The following TM4SF19 variants were observed in gnomAD, a reference collection of about 807,000 sequenced individuals.
The protein encoded by TM4SF19 is transmembrane 4 L six family member 19.
A neutral mutation model predicts 21.8 loss-of-function variants in TM4SF19; 17 were observed. That is an observed-to-expected ratio of 0.78 (90% CI 0.53 to 1.17). The LOEUF is 1.17. Ranked by LOEUF, TM4SF19 falls within the 50% of genes most tolerant of loss-of-function variation. TM4SF19 has a pLI of 0.00. For synonymous variants in TM4SF19, 107 were observed against 106.7 expected, an observed-to-expected ratio of 1.00 and a Z score of -0.02; for missense variants, 216 against 252.1, an observed-to-expected ratio of 0.86 and a Z score of 0.97.
chr3:196,327,538 A>C lies in TM4SF19; in HGVS notation c.53T>G (p.Leu18Arg), dbSNP rs1727346510. 1 of 1,614,082 alleles carries C rather than the reference A, an allele frequency of 6.2e-7. No homozygotes were observed. The highest frequency in any genetic ancestry group is 2.2e-5 in the East Asian group (1 of 44,884). ...QASSRTCSRI[L>R]GLSLGTAALF... ...GGCTGCAGTCCCAAGGCTCAGTCCC[A>C]GGATACGGGAGCAAGTCCGTGAGCT... is the stretch of plus-strand genomic sequence containing the variant. Residue 18 changes from leucine (L) to arginine (R), a missense_variant, in exon 2 of 5, where the codon CTG (leucine) becomes CGG (arginine). By Grantham distance (102) the Leu-to-Arg change is moderately radical. Coordinates refer to ENST00000273695, the MANE Select transcript of TM4SF19 (RefSeq NM_138461.4).
intron 1 of TM4SF19, among the ~76,000 whole-genome samples, chr3:196,334,509 A>G (rs1685564127): frequency 2.0e-5 from 3 of 151,098 alleles, no homozygotes; most frequent in Admixed American, 2.0e-4. Context: ...GCTGGAGTGC[A>G]GTGGCGCGAT....
rs1396267226 is a variant in TM4SF19 at position 196,337,048 on chromosome 3, A to ATTC, written c.-2+1213_-2+1215dup. On this transcript the variant is annotated intron_variant, in intron 1 of 4. Coordinates refer to ENST00000273695, the MANE Select transcript of TM4SF19 (RefSeq NM_138461.4). Reference sequence around the variant, plus strand: ...GGGGACACTGCTGACGCAAAAAGCAATTCTTTTTTTTTTTTTTTTTTTTTT... The same window carrying ATTC: ...GGGGACACTGCTGACGCAAAAAGCAATTCTTCTTTTTTTTTTTTTTTTTTTTTT... Among the ~76,000 whole-genome samples, 283 of 128,756 alleles carry ATTC rather than the reference A, an allele frequency of 2.2e-3. 7 individuals are homozygous for ATTC. The highest frequency in any genetic ancestry group is 4.5e-3 in the Middle Eastern group (1 of 222). The allele number at this position is 128,756 out of a possible 152,430, so 84.5% of individuals were successfully genotyped here.
chr3:196,327,162 C>T, intron 2 of TM4SF19, 130 bp from the exon 3 acceptor site: 1 of 824,936 alleles, frequency 1.2e-6, no homozygotes, highest in Non-Finnish European at 2.0e-6. Flanking sequence ...CTCTGGGGAC[C>T]CACATTTGTA....
chr3:196,326,825 C>T (rs1727308860), intron 3 of TM4SF19, 130 bp downstream of exon 3: 2 of 603,814 alleles, frequency 3.3e-6, no homozygotes, highest in Admixed American at 5.3e-5. Context: ...AAGAACTTAG[C>T]GTTACTGAGG....
Position 196,327,011 on chromosome 3 carries a change from T to C in TM4SF19, c.223A>G (p.Ile75Val). ...GLMVLTAAIL[I>V]SLMGWRYGCF... ...CCGTATCTCCAGCCCATCAAGGAGATGAGGATAGCTGCAGTGAGTACCTGC... is the reference window on the plus strand; with the variant it reads ...CCGTATCTCCAGCCCATCAAGGAGACGAGGATAGCTGCAGTGAGTACCTGC... Residue 75 changes from isoleucine to valine, a missense_variant, in exon 3 of 5, where the codon ATC becomes GTC. Physicochemically the swap from Ile to Val is conservative, Grantham distance 29. Coordinates refer to ENST00000273695, the MANE Select transcript of TM4SF19 (RefSeq NM_138461.4). 1 of 1,610,686 alleles carries C rather than the reference T, an allele frequency of 6.2e-7. No homozygotes were observed.
At chr3:196,335,886 T>C (rs149169366) in intron 1 of TM4SF19, among the ~76,000 whole-genome samples, 188 of 151,962 alleles carry the variant, frequency 1.2e-3, no homozygotes, top group African/African-American at 4.2e-3. Flanking sequence ...ACAACTTTAA[T>C]CCACTGCCCA....
intron 1 of TM4SF19, among the ~76,000 whole-genome samples, chr3:196,328,675 A>C (rs759332575): frequency 6.6e-6 from 1 of 152,240 alleles, no homozygotes; most frequent in Non-Finnish European, 1.5e-5. Flanking sequence ...AAATTGATGC[A>C]AAGATTTAAA....
chr3:196,327,657 A>T (rs1464743967), intron 1 of TM4SF19, 66 bp from the exon 2 acceptor site: 3 of 1,377,268 alleles, frequency 2.2e-6, no homozygotes, highest in Non-Finnish European at 3.1e-6. Flanking sequence ...GAACTCCAGC[A>T]GCATATCATG....
chr3:196,324,434 T>C lies in TM4SF19; in HGVS notation c.286A>G (p.Thr96Ala), dbSNP rs750819832. The change falls in exon 4 of 5, where the codon ACT becomes GCT. Residue 96 changes from threonine to alanine, a missense_variant. Transcript: ENST00000273695. ...SKSGLCRSVL[T>A]ALLSGGLALL... ...GCCAGGCCACCTGACAACAGAGCAG[T>C]AAGCACCTGCGGAGGGAGGAGAAAC... 4 of 1,613,862 alleles carry C rather than the reference T, an allele frequency of 2.5e-6. No homozygotes were observed. Among genetic ancestry groups the C allele is most frequent in the Non-Finnish European group, 2.5e-6 (3 of 1,179,996 alleles).
At chr3:196,328,077 G>A (rs574591415) in intron 1 of TM4SF19, among the ~76,000 whole-genome samples, 15 of 152,250 alleles carry the variant, frequency 9.9e-5, no homozygotes, top group Non-Finnish European at 1.6e-4. Flanking sequence ...TGAGGCAGGC[G>A]GATCACGAGG....
chr3:196,324,448 G>T lies in TM4SF19; in HGVS notation c.280-8C>A. On this transcript the variant is annotated splice_region_variant and splice_polypyrimidine_tract_variant and intron_variant, in intron 3 of 4. Coordinates refer to ENST00000273695, the MANE Select transcript of TM4SF19 (RefSeq NM_138461.4). ...CAACAGAGCAGTAAGCACCTGCGGA[G>T]GGAGGAGAAACACTGAGCTAAGACG... The T allele has an allele frequency of 6.2e-7, 1 of 1,613,938 alleles. No individual in the cohort carries two copies. The highest frequency in any genetic ancestry group is 8.5e-7 in the Non-Finnish European group (1 of 1,179,938).
intron 1 of TM4SF19, among the ~76,000 whole-genome samples, chr3:196,330,742 G>T (rs1008239048): frequency 6.6e-6 from 1 of 152,132 alleles, no homozygotes; most frequent in African/African-American, 2.4e-5. Flanking sequence ...GCTTTCTGAA[G>T]GGGTGGAAGC....
Position 196,323,864 on chromosome 3 carries a change from C to T in TM4SF19, c.583G>A (p.Val195Ile). Reference sequence around the variant, plus strand: ...AAAAGGCCCAGGAGGCTGTTGATGACATGAACGACCACCAGGAGAAGCTGG... The same window carrying T: ...AAAAGGCCCAGGAGGCTGTTGATGATATGAACGACCACCAGGAGAAGCTGG... ...LLQLLLVVVH[V>I]INSLLGLFCS... Residue 195 changes from valine (V) to isoleucine (I), a missense_variant, in exon 5 of 5, where the codon GTC (valine) becomes ATC (isoleucine). Transcript: ENST00000273695. 1 of 1,614,152 alleles carries T rather than the reference C, an allele frequency of 6.2e-7. No individual in the cohort carries two copies. The highest frequency in any genetic ancestry group is 1.1e-5 in the South Asian group (1 of 91,086).
intron 3 of TM4SF19, 55 bp from the exon 4 acceptor site, chr3:196,324,495 C>T (rs897947257): frequency 5.1e-5 from 81 of 1,586,078 alleles, no homozygotes; most frequent in Non-Finnish European, 6.4e-5. Context: ...GGGGAGCCTG[C>T]GGAGGGAGGA....
At chr3:196,336,480 G>C (rs1577415594) in intron 1 of TM4SF19, among the ~76,000 whole-genome samples, 1 of 152,220 alleles carries the variant, frequency 6.6e-6, no homozygotes. Flanking sequence ...TGGACAGCGA[G>C]GGAAAACTAC....
intron 1 of TM4SF19, among the ~76,000 whole-genome samples, chr3:196,336,142 TTTG>T (rs1727750841): frequency 6.6e-6 from 1 of 151,950 alleles, no homozygotes; most frequent in Non-Finnish European, 1.5e-5. Flanking sequence ...TGTTTTGTTT[TTTG>T]TTTTTTTTTT....
chr3:196,326,181 G>A (rs1203227601), intron 3 of TM4SF19, among the ~76,000 whole-genome samples: 1 of 151,974 alleles, frequency 6.6e-6, no homozygotes, highest in Non-Finnish European at 1.5e-5. Flanking sequence ...CACCATGTTG[G>A]CCAGGCTGGT....
Position 196,329,275 on chromosome 3 carries a change from C to T in TM4SF19, c.-1-1684G>A, listed in dbSNP as rs1004209898. Among the ~76,000 whole-genome samples, 13 of 126,536 alleles carry T rather than the reference C, an allele frequency of 1.0e-4. 3 individuals carry two copies. The highest frequency in any genetic ancestry group is 1.7e-4 in the Non-Finnish European group (10 of 57,604). The allele number at this position is 126,536 out of a possible 152,430, so 83.0% of individuals were successfully genotyped here. On this transcript the variant is annotated intron_variant, in intron 1 of 4. Transcript: ENST00000273695. ...ATTTTTTAAGAAGATGACAATTCAG[C>T]GGGAAAAAGTCTCTTCCACAAATGG...
intron 1 of TM4SF19, among the ~76,000 whole-genome samples, chr3:196,337,714 T>G (rs1486190923): frequency 6.6e-6 from 1 of 152,128 alleles, no homozygotes; most frequent in Non-Finnish European, 1.5e-5. Flanking sequence ...AACAGCACAT[T>G]TGGGTGTCTC....
Sources: allele counts gnomAD v4.1 joint callset (sites outside exome capture counted in the v4.1 genomes callset), GRCh38; gene constraint gnomAD v4.1.1; transcripts MANE v1.5; gene names NCBI Gene and HGNC (gene_info 2026-07-23, HGNC 2026-07-21).